MYO18A: variants seen among roughly 807,000 people sequenced by gnomAD.
MYO18A encodes myosin XVIIIA, also known as unconventional myosin-XVIIIa.
A neutral mutation model predicts 235.8 loss-of-function variants in MYO18A; 78 were observed. The ratio of observed to expected loss-of-function variants is 0.33; its 90% confidence interval spans 0.28 to 0.40. The LOEUF is 0.40. Among genes scored for constraint, MYO18A ranks in the 10% least tolerant of loss-of-function variants. The pLI is 1.00. For missense variants in MYO18A, 2,215 were observed against 2,699.3 expected, an observed-to-expected ratio of 0.82 and a Z score of 3.98; for synonymous variants, 977 against 1,077.8, an observed-to-expected ratio of 0.91 and a Z score of 1.83.
At position 29,097,365 on chromosome 17, in the gene MYO18A, C is replaced by A; in HGVS notation, c.4103-15G>T. The A allele has an allele frequency of 6.2e-7, 1 of 1,605,968 alleles. No individual in the cohort carries two copies. ...CCACTCGCCACCTGTGGGGTTGAGGCAGACAAGGGAGGATGGAGGTGCTGA... is the reference window on the plus strand; with the variant it reads ...CCACTCGCCACCTGTGGGGTTGAGGAAGACAAGGGAGGATGGAGGTGCTGA... On this transcript the variant is annotated splice_polypyrimidine_tract_variant and intron_variant, in intron 26 of 41. Transcript: ENST00000527372.
At position 29,086,478 on chromosome 17, in the gene MYO18A, C is replaced by T. The variant is rs760804459; in HGVS notation, c.5812G>A (p.Asp1938Asn). 5.0e-6 allele frequency: 8 copies of T among 1,609,502 alleles called. No individual in the cohort carries two copies. Among genetic ancestry groups the T allele is most frequent in the Non-Finnish European group, 6.8e-6 (8 of 1,177,904 alleles). The change falls in exon 39 of 42, where the codon GAT (aspartate) becomes AAT (asparagine). Residue 1938 changes from aspartate (D) to asparagine (N), a missense_variant. Asp to Asn is a conservative substitution (Grantham distance 23). Coordinates refer to ENST00000527372, the MANE Select transcript of MYO18A (RefSeq NM_078471.4). Reference sequence around the variant, plus strand: ...TCATTCTCATCACTCTCCATCTCATCCTCAATGGCAGCCTGCAGGTCCCCG... The same window carrying T: ...TCATTCTCATCACTCTCCATCTCATTCTCAATGGCAGCCTGCAGGTCCCCG... The part of the protein sequence containing the change: ...RIGDLQAAIE[D>N]EMESDENEDL...
chr17:29,163,855 G>T (rs1598394514), intron 2 of MYO18A, among the ~76,000 whole-genome samples: 1 of 152,230 alleles, frequency 6.6e-6, no homozygotes, highest in East Asian at 1.9e-4. Flanking sequence ...TAGCCTGGAA[G>T]AACGCAGACA....
At chr17:29,154,186 C>A (rs1780405882) in intron 2 of MYO18A, among the ~76,000 whole-genome samples, 2 of 151,884 alleles carry the variant, frequency 1.3e-5, no homozygotes, top group African/African-American at 4.8e-5. Context: ...GCCACAGAAC[C>A]CAGTTCTGTG....
chr17:29,171,527 A>G (rs2068403578), intron 1 of MYO18A, among the ~76,000 whole-genome samples: 1 of 152,168 alleles, frequency 6.6e-6, no homozygotes, highest in South Asian at 2.1e-4. Context: ...CTAGTGAATG[A>G]TATGTATGTT....
At chr17:29,133,163 C>T (rs1250248574) in intron 2 of MYO18A, among the ~76,000 whole-genome samples, 7 of 152,240 alleles carry the variant, frequency 4.6e-5, no homozygotes, top group Admixed American at 3.3e-4. Flanking sequence ...GGGGAAAACA[C>T]TGGGTGCCCC....
intron 24 of MYO18A, 62 bp downstream of exon 24, chr17:29,098,294 C>T (rs2066570909): frequency 6.2e-7 from 1 of 1,611,492 alleles, no homozygotes; most frequent in African/African-American, 1.3e-5. Context: ...ACCTGGGGGA[C>T]CTGCAGGGGC....
Position 29,121,471 on chromosome 17 carries a change from G to A in MYO18A, c.1371+76C>T. 1 of 1,417,946 alleles carries A rather than the reference G, an allele frequency of 7.1e-7. No individual in the cohort carries two copies. Among genetic ancestry groups the A allele is most frequent in the South Asian group, 1.4e-5 (1 of 71,678 alleles). The allele number at this position is 1,417,946 out of a possible 1,614,324, so 87.8% of individuals were successfully genotyped here. A position where few individuals can be genotyped will look rare whatever the true frequency, so the allele number is the denominator to read the frequency against. On this transcript the variant is annotated intron_variant, in intron 5 of 41. Transcript: ENST00000527372. The surrounding 1 kb of genome is among the most constrained non-coding windows in gnomAD (Gnocchi z 4.2). ...AGAGTGGACAGGAGCCCAGTGGGGT[G>A]CCACAGGGGAAGGGCAGAGAGCCAG...
chr17:29,071,682 C>T lies in MYO18A; in HGVS notation c.*3088G>A, dbSNP rs1259397860. 6.6e-6 allele frequency: 1 copy of T among 152,242 alleles called. No individual in the cohort carries two copies. Among genetic ancestry groups the T allele is most frequent in the East Asian group, 1.9e-4 (1 of 5,190 alleles). The allele number at this position is 152,242 out of a possible 1,614,324, so 9.4% of individuals were successfully genotyped here. A position where few individuals can be genotyped will look rare whatever the true frequency, so the allele number is the denominator to read the frequency against. On this transcript the variant is annotated 3_prime_UTR_variant, in exon 42 of 42. Coordinates refer to ENST00000527372, the MANE Select transcript of MYO18A (RefSeq NM_078471.4). ...TCCCCGCCAAAGAGAGCATCTCCCT[C>T]CATAGTATGTCCAAAGCAACCTCTT... is the stretch of plus-strand genomic sequence containing the variant.
chr17:29,126,895 C>T lies in MYO18A; in HGVS notation c.1000-4642G>A, dbSNP rs2067334597. ...CACTTTCTGGGAAGATAGGGTTGCC[C>T]CTATATCCCAAGGGGCCCACTGTAC... is the stretch of plus-strand genomic sequence containing the variant. On this transcript the variant is annotated intron_variant, in intron 2 of 41. Transcript: ENST00000527372. This position sits in a 1 kb window ranked among gnomAD's most constrained non-coding sequence, Gnocchi z 4.1. Among the ~76,000 whole-genome samples the T allele has an allele frequency of 6.6e-6, 1 of 152,196 alleles. No homozygotes were observed. Among genetic ancestry groups the T allele is most frequent in the South Asian group, 2.1e-4 (1 of 4,830 alleles).
intron 20 of MYO18A, among the ~76,000 whole-genome samples, chr17:29,104,582 G>C (rs2152804265): frequency 6.6e-6 from 1 of 152,268 alleles, no homozygotes; most frequent in Middle Eastern, 3.4e-3. Context: ...CTGGAGCTCA[G>C]GAGAGAGGCC....
At chr17:29,128,370 G>A (rs1320421955) in intron 2 of MYO18A, 3 of 1,285,374 alleles carry the variant, frequency 2.3e-6, no homozygotes, top group Non-Finnish European at 3.0e-6. Context: ...ACCCGCTTCC[G>A]GGACAGGCCC....
At position 29,094,917 on chromosome 17, in the gene MYO18A, G is replaced by A. The variant is rs775493809; in HGVS notation, c.4509+19C>T. The A allele has an allele frequency of 6.2e-7, 1 of 1,612,052 alleles. No individual in the cohort carries two copies. The highest frequency in any genetic ancestry group is 8.5e-7 in the Non-Finnish European group (1 of 1,178,316). ...GTTGTGAGGGGGACAGGGCACAGAT[G>A]GTGGGTGGCCCTACCCACCTCTAGT... On this transcript the variant is annotated intron_variant, in intron 29 of 41. Coordinates refer to ENST00000527372, the MANE Select transcript of MYO18A (RefSeq NM_078471.4).
intron 2 of MYO18A, chr17:29,128,579 C>T (rs1338989275): frequency 8.3e-7 from 1 of 1,201,040 alleles, no homozygotes; most frequent in Admixed American, 3.2e-5. Flanking sequence ...ACATTAGCAT[C>T]ACCCCTGCAG....
chr17:29,133,921 G>A, intron 2 of MYO18A: 1 of 1,211,860 alleles, frequency 8.3e-7, no homozygotes, highest in Non-Finnish European at 1.1e-6. Flanking sequence ...CCAAAGGCCA[G>A]AACCTGCCAG....
chr17:29,105,870 C>A (rs1428675446), intron 20 of MYO18A, among the ~76,000 whole-genome samples: 3 of 152,114 alleles, frequency 2.0e-5, no homozygotes, highest in African/African-American at 7.2e-5. Context: ...TCTCCCACCA[C>A]CCTTGGGAGC....
At chr17:29,159,234 C>T (rs367614189) in intron 2 of MYO18A, among the ~76,000 whole-genome samples, 2 of 152,108 alleles carry the variant, frequency 1.3e-5, no homozygotes, top group African/African-American at 2.4e-5. Context: ...TTCGCCCTGA[C>T]AGTCCCCTGC....
chr17:29,152,907 G>A (rs1355947196), intron 2 of MYO18A, among the ~76,000 whole-genome samples: 2 of 151,900 alleles, frequency 1.3e-5, no homozygotes, highest in Non-Finnish European at 2.9e-5. Flanking sequence ...TTTGTACAAA[G>A]TAGCACTATC....
intron 21 of MYO18A, among the ~76,000 whole-genome samples, chr17:29,102,705 A>G (rs1406328333): frequency 6.6e-6 from 1 of 152,226 alleles, no homozygotes; most frequent in Non-Finnish European, 1.5e-5. Flanking sequence ...CAGAGATGGG[A>G]GCGATTGACA....
At chr17:29,110,764 A>G in intron 17 of MYO18A, 142 bp from the exon 18 acceptor site, 1 of 811,070 alleles carries the variant, frequency 1.2e-6, no homozygotes, top group Middle Eastern at 3.1e-4. Context: ...TGCATGCCCC[A>G]CACCCTACAG....
Sources: gnomAD v4.1 joint callset for allele counts (sites outside exome capture counted in the v4.1 genomes callset) on GRCh38, gnomAD v4.1.1 for gene constraint, Gnocchi (gnomAD v3.1) non-coding constraint, MANE v1.5 for transcripts, NCBI Gene and HGNC (gene_info 2026-07-23, HGNC 2026-07-21) for gene names.